Variants in DCHS1 observed in about 807,000 individuals in gnomAD.
The protein encoded by DCHS1 is protocadherin-16.
A neutral mutation model predicts 213.9 loss-of-function variants in DCHS1; 78 were observed. The ratio of observed to expected loss-of-function variants is 0.36; its 90% confidence interval spans 0.30 to 0.44. The LOEUF (loss-of-function observed/expected upper bound fraction) is 0.44, where lower values mean the gene tolerates loss of function less well. Among genes scored for constraint, DCHS1 ranks in the 20% least tolerant of loss-of-function variants. The pLI is 1.00. For synonymous variants in DCHS1, 1,828 were observed against 1,873.7 expected (o/e 0.98, Z 0.63); for missense variants, 3,946 against 4,395.9 (o/e 0.90, Z 2.89).
rs1315595215 is a variant in DCHS1 at position 6,628,098 on chromosome 11, C to G, written c.5372-431G>C. Among the ~76,000 whole-genome samples the G allele has an allele frequency of 6.6e-6, 1 of 152,222 alleles. No homozygotes were observed. Among genetic ancestry groups the G allele is most frequent in the Non-Finnish European group, 1.5e-5 (1 of 68,046 alleles). On this transcript the variant is annotated intron_variant, in intron 13 of 20. Coordinates refer to ENST00000299441, the MANE Select transcript of DCHS1 (RefSeq NM_003737.4). The surrounding 1 kb of genome is among the most constrained non-coding windows in gnomAD (Gnocchi z 4.3). ...ATGAATCTGTGTGTCTTCAGAGATTCAGTTTGTTCTGGCTATCTTCAATTA... is the reference window on the plus strand; with the variant it reads ...ATGAATCTGTGTGTCTTCAGAGATTGAGTTTGTTCTGGCTATCTTCAATTA...
Position 6,655,655 on chromosome 11 carries a change from G to A in DCHS1, c.-213C>T. 3.1e-6 allele frequency: 3 copies of A among 978,832 alleles called. No individual in the cohort carries two copies. The highest frequency in any genetic ancestry group is 3.6e-6 in the Non-Finnish European group (3 of 826,760). 60.6% of individuals were successfully genotyped at this position (978,832 alleles called of 1,614,324 possible). On this transcript the variant is annotated 5_prime_UTR_variant, in exon 1 of 21. Coordinates refer to ENST00000299441, the MANE Select transcript of DCHS1 (RefSeq NM_003737.4). ...AGCGCCCGCTCGCGCGGGGCCTGAG[G>A]CCGCGCATCGTCCGCAGTCGCTGTC... is the stretch of plus-strand genomic sequence containing the variant.
At position 6,640,173 on chromosome 11, in the gene DCHS1, G is replaced by A. The variant is rs140464593; in HGVS notation, c.1441C>T (p.Pro481Ser). 18 of 1,613,748 alleles carry A rather than the reference G, an allele frequency of 1.1e-5. No homozygotes were observed. The Middle Eastern group carries it at 4.9e-4, about 44-fold the overall frequency. ...CCAGGCAGCGCAACCTCAGGCAGGG[G>A]CTCAGGTCGGTAGAGCTGGCGGTCA... ...AFDRQLYRPE[P>S]LPEVALPGSF... is the part of the protein sequence containing the mutation. The change falls in exon 2 of 21, where the codon CCC becomes TCC. Residue 481 changes from proline to serine, a missense_variant. This residue lies in a region of DCHS1 where 3,384 missense variants were observed against 3,780.1 expected (regional missense o/e 0.90). Coordinates refer to ENST00000299441, the MANE Select transcript of DCHS1 (RefSeq NM_003737.4). This position sits in a 1 kb window ranked among gnomAD's most constrained non-coding sequence, Gnocchi z 6.5.
In DCHS1 at chr11:6,622,926, G is replaced by C. The variant is rs1328697304; in HGVS notation, c.8750C>G (p.Pro2917Arg). 1.9e-6 allele frequency: 3 copies of C among 1,589,164 alleles called. No homozygotes were observed. In the South Asian group the frequency reaches 3.4e-5, roughly 18 times the overall value. The change falls in exon 21 of 21, where the codon CCT (proline) becomes CGT (arginine). Residue 2917 changes from proline (P) to arginine (R), a missense_variant. Around this residue, in one of 3 missense-constraint regions of DCHS1, gnomAD observed 554 missense variants for 590.2 expected, o/e 0.94. Transcript: ENST00000299441. The surrounding 1 kb of genome is among the most constrained non-coding windows in gnomAD (Gnocchi z 5.4). ...GGTGTGGGTGATATCCACGGTCACA[G>C]GCACTGTGGCACTCCGGGAACCAGG... ...PLPGSRSATV[P>R]VTVDITHTAL... is the part of the protein sequence containing the mutation.
intron 4 of DCHS1, 33 bp downstream of exon 4, chr11:6,633,756 G>C: frequency 3.1e-6 from 5 of 1,603,784 alleles, no homozygotes; most frequent in Non-Finnish European, 4.3e-6. Context: ...AGGGGGACCT[G>C]GGGGAAGGCC....
At position 6,626,532 on chromosome 11, in the gene DCHS1, C is replaced by T; in HGVS notation, c.6364+20G>A. The T allele has an allele frequency of 6.2e-7, 1 of 1,612,656 alleles. No homozygotes were observed. The highest frequency in any genetic ancestry group is 8.5e-7 in the Non-Finnish European group (1 of 1,178,748). On this transcript the variant is annotated intron_variant, in intron 15 of 20. Transcript: ENST00000299441. This position sits in a 1 kb window ranked among gnomAD's most constrained non-coding sequence, Gnocchi z 5.2. ...CCCCAGTAGCCTGTCCTGCACAGAG[C>T]CCCTGCTCCTATTTCTTACCTGTAC...
chr11:6,632,870 C>G lies in DCHS1; in HGVS notation c.2642G>C (p.Arg881Pro). 2 of 1,614,008 alleles carry G rather than the reference C, an allele frequency of 1.2e-6. No homozygotes were observed. The highest frequency in any genetic ancestry group is 1.7e-6 in the Non-Finnish European group (2 of 1,179,880). Residue 881 changes from arginine (R) to proline (P), a missense_variant, in exon 6 of 21, where the codon CGT becomes CCT. This residue lies in a region of DCHS1 where 3,384 missense variants were observed against 3,780.1 expected (regional missense o/e 0.90). Coordinates refer to ENST00000299441, the MANE Select transcript of DCHS1 (RefSeq NM_003737.4). The surrounding 1 kb of genome is among the most constrained non-coding windows in gnomAD (Gnocchi z 5.9). Reference sequence around the variant, plus strand: ...GTCATTCACATCATCCAGCAGCACACGCACCCGAGCTACAGCGAAAGCTGG... The same window carrying G: ...GTCATTCACATCATCCAGCAGCACAGGCACCCGAGCTACAGCGAAAGCTGG... ...VPPAFAVARV[R>P]VLLDDVNDNS...
rs1334511962 is a variant in DCHS1 at position 6,626,638 on chromosome 11, A to G, written c.6278T>C (p.Val2093Ala). ...GGGTCCATTTGTGCCTCCTGCATGG[A>G]CGGCCCTGGGGGAGACAATAGGAGT... ...PGTPIVSPRA[V>A]HAGGTNGPIT... The change falls in exon 15 of 21, where the codon GTC (valine) becomes GCC (alanine). Residue 2093 changes from valine to alanine, a missense_variant. Physicochemically the swap from Val to Ala is moderately conservative, Grantham distance 64. Coordinates refer to ENST00000299441, the MANE Select transcript of DCHS1 (RefSeq NM_003737.4). The surrounding 1 kb of genome is among the most constrained non-coding windows in gnomAD (Gnocchi z 5.2). The G allele has an allele frequency of 1.9e-6, 3 of 1,613,778 alleles. No homozygotes were observed. The highest frequency in any genetic ancestry group is 2.5e-6 in the Non-Finnish European group (3 of 1,179,884).
Position 6,627,342 on chromosome 11 carries a change from T to G in DCHS1, c.5697A>C (p.Ala1899=), listed in dbSNP as rs11040936. The G allele has an allele frequency of 6.2e-7, 1 of 1,608,914 alleles. No individual in the cohort carries two copies. The highest frequency in any genetic ancestry group is 8.5e-7 in the Non-Finnish European group (1 of 1,177,800). ...HVTYYLGAGT[A]GAFLLEPSSG... ...AGCTGGGCTCCAGCAGGAAGGCTCC[T>G]GCTGTACCGGCGCCCAGGTAGTAGG... is the stretch of plus-strand genomic sequence containing the variant. Residue 1899 remains alanine (A), a synonymous_variant, in exon 14 of 21, where the codon GCA becomes GCC. Coordinates refer to ENST00000299441, the MANE Select transcript of DCHS1 (RefSeq NM_003737.4). The surrounding 1 kb of genome is among the most constrained non-coding windows in gnomAD (Gnocchi z 5.4).
intron 19 of DCHS1, 64 bp from the exon 20 acceptor site, chr11:6,624,932 G>C: frequency 1.3e-6 from 2 of 1,596,182 alleles, no homozygotes; most frequent in Non-Finnish European, 1.7e-6. Context: ...CATGCAGCCT[G>C]TTCTGGAGCT....
rs2659870 is a variant in DCHS1, at chr11:6,632,001, C to G, written c.3481+30G>C. 0.39 allele frequency: 577,534 copies of G among 1,492,914 alleles called. 112,314 individuals are homozygous for G. Among genetic ancestry groups the G allele is most frequent in the East Asian group, 0.46 (20,025 of 43,608 alleles). The allele number at this position is 1,492,914 out of a possible 1,614,324, so 92.5% of individuals were successfully genotyped here. On this transcript the variant is annotated intron_variant, in intron 6 of 20. Coordinates refer to ENST00000299441, the MANE Select transcript of DCHS1 (RefSeq NM_003737.4). The surrounding 1 kb of genome is among the most constrained non-coding windows in gnomAD (Gnocchi z 5.9). The stretch of plus-strand genomic sequence containing the variant: ...TCACCAGGCTGGGGATAAGGCTATG[C>G]GGTCTCAGGATTTGGGTCTCTGTGC...
In DCHS1 at chr11:6,626,575, G is replaced by A; in HGVS notation, c.6341C>T (p.Thr2114Ile). 1 of 1,614,004 alleles carries A rather than the reference G, an allele frequency of 6.2e-7. No individual in the cohort carries two copies. Among genetic ancestry groups the A allele is most frequent in the South Asian group, 1.1e-5 (1 of 91,086 alleles). Residue 2114 changes from threonine (T) to isoleucine (I), a missense_variant, in exon 15 of 21, where the codon ACA becomes ATA. This residue lies in a region of DCHS1 where 3,384 missense variants were observed against 3,780.1 expected (regional missense o/e 0.90). Transcript: ENST00000299441. The surrounding 1 kb of genome is among the most constrained non-coding windows in gnomAD (Gnocchi z 5.2). Reference protein sequence around the residue: ...YSILSGNEKGTFSIQPSTGAI... With the variant: ...YSILSGNEKGIFSIQPSTGAI... ...ACCTGTACTAGGCTGGATGGAGAAT[G>A]TCCCTTTCTCATTCCCACTGAGAAT...
intron 12 of DCHS1, 102 bp downstream of exon 12, chr11:6,629,350 T>C (rs1589955330): frequency 2.0e-6 from 3 of 1,473,100 alleles, no homozygotes; most frequent in Middle Eastern, 1.9e-4. Context: ...TTTGTGGTAA[T>C]AGGCAAAAAC....
intron 1 of DCHS1, among the ~76,000 whole-genome samples, chr11:6,647,743 G>A (rs1261253688): frequency 1.3e-5 from 2 of 152,242 alleles, no homozygotes; most frequent in East Asian, 3.8e-4. Flanking sequence ...TGTAGTCTAT[G>A]TTGCCTGAGA....
In DCHS1 at chr11:6,630,432, C is replaced by G. The variant is rs1211318819; in HGVS notation, c.4362G>C (p.Ala1454=). ...ALPENPEPGA[A]LYTFRASDAD... The stretch of plus-strand genomic sequence containing the variant: ...CGTCCGACGCGCGGAAAGTGTACAG[C>G]GCTGCGCCGGGCTCCGGGTTCTCTG... Residue 1454 remains alanine (A), a synonymous_variant, in exon 10 of 21, where the codon GCG becomes GCC. Transcript: ENST00000299441. 1 of 1,500,298 alleles carries G rather than the reference C, an allele frequency of 6.7e-7. No individual in the cohort carries two copies. Among genetic ancestry groups the G allele is most frequent in the East Asian group, 2.7e-5 (1 of 37,360 alleles). 92.9% of individuals were successfully genotyped at this position (1,500,298 alleles called of 1,614,324 possible).
chr11:6,631,314 T>C lies in DCHS1; in HGVS notation c.3769A>G (p.Thr1257Ala), dbSNP rs143368111. ...GENGTILYTL[T>A]GPGSELFSLH... ...TCTCCTCTCTCCACTCCCATACCAG[T>C]TAGCGTGTACAAGATGGTCCCATTC... The change falls in exon 8 of 21, where the codon ACT (threonine) becomes GCT (alanine). Residue 1257 changes from threonine (T) to alanine (A), a missense_variant. Physicochemically the swap from Thr to Ala is moderately conservative, Grantham distance 58 (BLOSUM62 0). Around this residue, in one of 3 missense-constraint regions of DCHS1, gnomAD observed 3,384 missense variants for 3,780.1 expected, o/e 0.90. Transcript: ENST00000299441. The C allele has an allele frequency of 4.5e-5, 73 of 1,613,844 alleles. No individual in the cohort carries two copies. Among genetic ancestry groups the C allele is most frequent in the Middle Eastern group, 1.6e-4 (1 of 6,084 alleles).
chr11:6,625,336 G>A lies in DCHS1; in HGVS notation c.7008C>T (p.Pro2336=). 6.2e-7 allele frequency: 1 copy of A among 1,613,800 alleles called. No homozygotes were observed. Among genetic ancestry groups the A allele is most frequent in the Non-Finnish European group, 8.5e-7 (1 of 1,179,836 alleles). Residue 2336 remains proline (P), a synonymous_variant, in exon 19 of 21, where the codon CCC becomes CCT. Transcript: ENST00000299441. This position sits in a 1 kb window ranked among gnomAD's most constrained non-coding sequence, Gnocchi z 5.3. ...RYGGRVSLTG[P]LDFEQCDRYQ... ...AGCGGTCACACTGCTCAAAGTCCAG[G>A]GGCCCCGTGAGGGAGACACGGCCTC...
At chr11:6,624,453 G>T in intron 20 of DCHS1, 63 bp from the exon 21 acceptor site, 1 of 1,464,220 alleles carries the variant, frequency 6.8e-7, no homozygotes, top group South Asian at 1.4e-5. Context: ...ACAGAAGAGT[G>T]ACCCTTCAGG....
In DCHS1 at chr11:6,632,866, C is replaced by A; in HGVS notation, c.2646G>T (p.Val882=). The change falls in exon 6 of 21, where the codon GTG becomes GTT. Residue 882 remains valine (V), a synonymous_variant. Transcript: ENST00000299441. This position sits in a 1 kb window ranked among gnomAD's most constrained non-coding sequence, Gnocchi z 5.9. The part of the protein sequence containing the change: ...PPAFAVARVR[V]LLDDVNDNSP... ...AGTTGTCATTCACATCATCCAGCAG[C>A]ACACGCACCCGAGCTACAGCGAAAG... is the stretch of plus-strand genomic sequence containing the variant. The A allele has an allele frequency of 6.2e-7, 1 of 1,614,052 alleles. No homozygotes were observed. The highest frequency in any genetic ancestry group is 8.5e-7 in the Non-Finnish European group (1 of 1,179,890).
Position 6,629,547 on chromosome 11 carries a change from A to G in DCHS1, c.5066T>C (p.Val1689Ala). The G allele has an allele frequency of 6.2e-7, 1 of 1,613,604 alleles. No individual in the cohort carries two copies. Among genetic ancestry groups the G allele is most frequent in the Non-Finnish European group, 8.5e-7 (1 of 1,179,728 alleles). ...ATCCAGAGAAAAGCTTTCGCTAGAG[A>G]CGCCTCCATAAGTCACTTGCCCGTT... ...GANGQVTYGG[V>A]SSESFSLDPD... The change falls in exon 12 of 21, where the codon GTC becomes GCC. Residue 1689 changes from valine to alanine, a missense_variant. Val to Ala is a moderately conservative substitution (Grantham distance 64). Coordinates refer to ENST00000299441, the MANE Select transcript of DCHS1 (RefSeq NM_003737.4).
Sources: gnomAD v4.1 joint callset for allele counts (sites outside exome capture counted in the v4.1 genomes callset) on GRCh38, gnomAD v4.1.1 for gene constraint, gnomAD v4.1.1 regional missense constraint, Gnocchi (gnomAD v3.1) non-coding constraint, MANE v1.5 for transcripts, NCBI Gene and HGNC (gene_info 2026-07-23, HGNC 2026-07-21) for gene names.